GRM4: variants seen among roughly 807,000 people sequenced by gnomAD.
The protein encoded by GRM4 is metabotropic glutamate receptor 4.
GRM4 carries 28 observed loss-of-function variants against 81.7 expected under a neutral mutation model. That is an observed-to-expected ratio of 0.34 (90% CI 0.25 to 0.47). The LOEUF (loss-of-function observed/expected upper bound fraction) is 0.47. Among genes scored for constraint, GRM4 ranks in the 20% least tolerant of loss-of-function variants. The pLI, the probability that GRM4 is intolerant of heterozygous loss-of-function variation, is 1.00. For missense variants in GRM4, 948 were observed against 1,290.0 expected, an observed-to-expected ratio of 0.73 and a Z score of 4.06; for synonymous variants, 488 against 528.8, an observed-to-expected ratio of 0.92 and a Z score of 1.06.
At chr6:34,131,433 C>T (rs1030624869) in intron 2 of GRM4, among the ~76,000 whole-genome samples, 1 of 152,322 alleles carries the variant, frequency 6.6e-6, no homozygotes, top group Middle Eastern at 3.4e-3. Context: ...AAAACCAACA[C>T]TCCAGGAAAA....
At position 34,136,255 on chromosome 6, in the gene GRM4, G is replaced by C. The variant is rs767267885; in HGVS notation, c.-363-2396C>G. On this transcript the variant is annotated intron_variant, in intron 1 of 10. Transcript: ENST00000538487. The surrounding 1 kb of genome is among the most constrained non-coding windows in gnomAD (Gnocchi z 4.1). ...AGCAACATCTAGCCAGGGGCACAGA[G>C]CTTGTGCAGGCTGCCCGTGCCCCTG... Among the ~76,000 whole-genome samples the C allele has an allele frequency of 3.3e-5, 5 of 152,164 alleles. No homozygotes were observed. Among genetic ancestry groups the C allele is most frequent in the South Asian group, 4.1e-4 (2 of 4,832 alleles).
At chr6:34,153,139 G>A (rs1343418295) in intron 1 of GRM4, among the ~76,000 whole-genome samples, 1 of 152,096 alleles carries the variant, frequency 6.6e-6, no homozygotes, top group African/African-American at 2.4e-5. Context: ...GGACAAGAAG[G>A]GACCTTGGCA....
rs372482323 is a variant in GRM4 at position 34,088,873 on chromosome 6, T to A, written c.736+3010A>T. 1.3e-4 allele frequency among the ~76,000 whole-genome samples: 20 copies of A among 152,160 alleles called. No individual in the cohort carries two copies. The East Asian group carries it at 2.9e-3, about 22-fold the overall frequency. Reference sequence around the variant, plus strand: ...TGCCCAGAGCATGTGTAGACAAGGGTGGGAGTGGGGAATGCCAGTGCCAGG... The same window carrying A: ...TGCCCAGAGCATGTGTAGACAAGGGAGGGAGTGGGGAATGCCAGTGCCAGG... On this transcript the variant is annotated intron_variant, in intron 3 of 10. Coordinates refer to ENST00000538487, the MANE Select transcript of GRM4 (RefSeq NM_000841.4).
chr6:34,055,799 C>T (rs1765842119), intron 6 of GRM4: 2 of 152,234 alleles, frequency 1.3e-5, no homozygotes, highest in African/African-American at 4.8e-5. Flanking sequence ...TCAAGTCCCT[C>T]TACTCACCTC....
rs1383214230 is a variant in GRM4 at position 34,130,481 on chromosome 6, G to A, written c.519+2497C>T. 6.6e-6 allele frequency among the ~76,000 whole-genome samples: 1 copy of A among 152,122 alleles called. No homozygotes were observed. Among genetic ancestry groups the A allele is most frequent in the Non-Finnish European group, 1.5e-5 (1 of 68,030 alleles). ...ATGCTCCTCTGTGGCCAGACAAACA[G>A]GGGACACCATGAACCCCCAGGATGG... On this transcript the variant is annotated intron_variant, in intron 2 of 10. Coordinates refer to ENST00000538487, the MANE Select transcript of GRM4 (RefSeq NM_000841.4). This position sits in a 1 kb window ranked among gnomAD's most constrained non-coding sequence, Gnocchi z 4.1.
intron 5 of GRM4, 99 bp from the exon 6 acceptor site, chr6:34,056,783 G>T: frequency 7.5e-7 from 1 of 1,328,210 alleles, no homozygotes; most frequent in Non-Finnish European, 1.0e-6. Context: ...CCAGGCGGAG[G>T]GAGAGAGACC....
In GRM4 at chr6:34,114,503, C is replaced by T. The variant is rs148154190; in HGVS notation, c.519+18475G>A. On this transcript the variant is annotated intron_variant, in intron 2 of 10. Coordinates refer to ENST00000538487, the MANE Select transcript of GRM4 (RefSeq NM_000841.4). This position sits in a 1 kb window ranked among gnomAD's most constrained non-coding sequence, Gnocchi z 4.3. ...AAAGGAATACTTTTAACTCCCAAAT[C>T]CAAGCAGGCACCATCCTGCAGGATC... Among the ~76,000 whole-genome samples the T allele has an allele frequency of 1.2e-3, 176 of 152,236 alleles. No individual in the cohort carries two copies. Among genetic ancestry groups the T allele is most frequent in the African/African-American group, 3.8e-3 (158 of 41,538 alleles).
rs1475410500 is a variant in GRM4, at chr6:34,036,205, C to T, written c.1905G>A (p.Leu635=). The change falls in exon 9 of 11, where the codon CTG becomes CTA. Residue 635 remains leucine, a synonymous_variant. Transcript: ENST00000538487. The surrounding 1 kb of genome is among the most constrained non-coding windows in gnomAD (Gnocchi z 9.0). ...LSYVLLAGIF[L]CYATTFLMIA... Reference sequence around the variant, plus strand: ...TCATGAGGAAGGTGGTGGCATAGCACAGGAAGATGCCTGCCAGCAGCACGT... The same window carrying T: ...TCATGAGGAAGGTGGTGGCATAGCATAGGAAGATGCCTGCCAGCAGCACGT... 2.5e-6 allele frequency: 4 copies of T among 1,614,118 alleles called. No homozygotes were observed. Among genetic ancestry groups the T allele is most frequent in the East Asian group, 4.5e-5 (2 of 44,876 alleles).
At chr6:34,120,219 T>C (rs910019521) in intron 2 of GRM4, among the ~76,000 whole-genome samples, 2 of 152,170 alleles carry the variant, frequency 1.3e-5, no homozygotes, top group Non-Finnish European at 2.9e-5. Context: ...AACCCATCTT[T>C]GAAGGAGACC....
At chr6:34,049,571 G>T (rs1765512811) in intron 6 of GRM4, among the ~76,000 whole-genome samples, 1 of 152,024 alleles carries the variant, frequency 6.6e-6, no homozygotes, top group Non-Finnish European at 1.5e-5. Flanking sequence ...TACTCCACAA[G>T]GCCACGTGGG....
At chr6:34,026,404 C>A (rs1033668078) in intron 10 of GRM4, among the ~76,000 whole-genome samples, 3 of 152,098 alleles carry the variant, frequency 2.0e-5, no homozygotes, top group Admixed American at 1.3e-4. Context: ...GGGCTCCCCA[C>A]TTCCCTACCA....
At chr6:34,149,934 A>C (rs924886423), upstream of GRM4, among the ~76,000 whole-genome samples, 1 of 152,212 alleles carries the variant, frequency 6.6e-6, no homozygotes, top group Non-Finnish European at 1.5e-5. Flanking sequence ...GCCCCTGCCT[A>C]GTGCCTTGGT....
intron 1 of GRM4, among the ~76,000 whole-genome samples, chr6:34,143,031 C>G (rs75432840): frequency 0.051 from 7,779 of 152,264 alleles, 567 homozygotes; most frequent in Admixed American, 0.2. Flanking sequence ...TTAAGCCTTG[C>G]CATCTTCCTC....
At chr6:34,103,551 G>C (rs1561814862) in intron 2 of GRM4, 1 of 1,498,544 alleles carries the variant, frequency 6.7e-7, no homozygotes, top group Admixed American at 2.0e-5. Flanking sequence ...TATTTCATAG[G>C]CGAAATGTAG....
chr6:34,122,967 G>A (rs543945917), intron 2 of GRM4, among the ~76,000 whole-genome samples: 139 of 152,310 alleles, frequency 9.1e-4, no homozygotes, highest in Non-Finnish European at 1.6e-3. Context: ...GACACGGCCC[G>A]AGCAGGGCCA....
Position 34,142,112 on chromosome 6 carries a change from T to C in GRM4, c.-364+3888A>G, listed in dbSNP as rs547452708. ...CCGTTCTTTCCAGGAGCCATCAGTC[T>C]GAGTGGGAGTGACAGAGAGCTGGTG... On this transcript the variant is annotated intron_variant, in intron 1 of 10. Transcript: ENST00000538487. 8.5e-5 allele frequency among the ~76,000 whole-genome samples: 13 copies of C among 152,336 alleles called. No homozygotes were observed. The East Asian group carries it at 2.3e-3, about 27-fold the overall frequency.
chr6:34,072,045 C>CCA (rs138396895), intron 3 of GRM4, among the ~76,000 whole-genome samples: 2 of 77,122 alleles, frequency 2.6e-5, no homozygotes, highest in African/African-American at 4.1e-5. Flanking sequence ...CAGATACATG[C>CCA]CACACACACA....
chr6:34,053,772 A>C (rs1765726877), intron 6 of GRM4, among the ~76,000 whole-genome samples: 1 of 152,200 alleles, frequency 6.6e-6, no homozygotes, highest in African/African-American at 2.4e-5. Context: ...ATTAAACCGG[A>C]ATGTCTAGGG....
At position 34,068,637 on chromosome 6, in the gene GRM4, G is replaced by C. The variant is rs1036083012; in HGVS notation, c.737-6609C>G. 6.6e-6 allele frequency among the ~76,000 whole-genome samples: 1 copy of C among 152,286 alleles called. No individual in the cohort carries two copies. The highest frequency in any genetic ancestry group is 2.1e-4 in the South Asian group (1 of 4,822). ...CCCATCCCCCCGCACCACCACTTGT[G>C]GGATGTGCCTATCTCATGCAGTCAG... On this transcript the variant is annotated intron_variant, in intron 3 of 10. Transcript: ENST00000538487. This position sits in a 1 kb window ranked among gnomAD's most constrained non-coding sequence, Gnocchi z 4.2.
Sources: allele counts gnomAD v4.1 joint callset (sites outside exome capture counted in the v4.1 genomes callset), GRCh38; gene constraint gnomAD v4.1.1; non-coding constraint Gnocchi (gnomAD v3.1); transcripts MANE v1.5; gene names NCBI Gene and HGNC (gene_info 2026-07-23, HGNC 2026-07-21).